The following TRIM71 variants were observed in gnomAD, a reference collection of about 807,000 sequenced individuals.
TRIM71 encodes E3 ubiquitin-protein ligase TRIM71.
Under a neutral mutation model 61.2 loss-of-function variants are expected in TRIM71, and 9 were observed. That is an observed-to-expected ratio of 0.15 (90% CI 0.09 to 0.26). The LOEUF is 0.26. TRIM71 is among the 10% of genes least tolerant of loss of function. The pLI is 1.00. For missense variants in TRIM71, 998 were observed against 1,238.7 expected (o/e 0.81, Z 2.92); for synonymous variants, 645 against 553.2 (o/e 1.17, Z -2.33).
intron 2 of TRIM71, among the ~76,000 whole-genome samples, chr3:32,884,541 A>G (rs199763006): frequency 4.4e-3 from 1 of 226 alleles, no homozygotes; most frequent in Non-Finnish European, 0.031. Context: ...TCTCTATTTG[A>G]AAAAAAAAAA....
chr3:32,857,886 G>T (rs1463542379), intron 1 of TRIM71, among the ~76,000 whole-genome samples: 1 of 152,054 alleles, frequency 6.6e-6, no homozygotes, highest in East Asian at 1.9e-4. Context: ...CATGAGAATC[G>T]CTTGAACCCA....
intron 1 of TRIM71, among the ~76,000 whole-genome samples, chr3:32,820,198 T>C (rs929142559): frequency 3.9e-5 from 6 of 152,192 alleles, no homozygotes; most frequent in Non-Finnish European, 7.4e-5. Flanking sequence ...CTGTGTGAGC[T>C]GGAGAGTGGG....
intron 2 of TRIM71, among the ~76,000 whole-genome samples, chr3:32,876,822 A>G (rs1696856884): frequency 6.6e-6 from 1 of 152,238 alleles, no homozygotes; most frequent in South Asian, 2.1e-4. Flanking sequence ...ATGAGTGGTT[A>G]ACATGGTGAA....
intron 1 of TRIM71, among the ~76,000 whole-genome samples, chr3:32,869,539 G>C (rs554958958): frequency 6.6e-6 from 1 of 152,216 alleles, no homozygotes; most frequent in South Asian, 2.1e-4. Context: ...CTGGGTGCAC[G>C]TGCATTTGCA....
intron 1 of TRIM71, among the ~76,000 whole-genome samples, chr3:32,843,981 G>T (rs1392843812): frequency 6.6e-6 from 1 of 151,896 alleles, no homozygotes; most frequent in Non-Finnish European, 1.5e-5. Flanking sequence ...GTCTCAAGAT[G>T]TTTTAATGTG....
chr3:32,843,103 A>G (rs548567325), intron 1 of TRIM71, among the ~76,000 whole-genome samples: 6 of 152,292 alleles, frequency 3.9e-5, no homozygotes, highest in South Asian at 4.1e-4. Context: ...TGATTGGGCA[A>G]GGGCTTCCAG....
intron 1 of TRIM71, among the ~76,000 whole-genome samples, chr3:32,839,463 C>T (rs1157752123): frequency 1.3e-5 from 2 of 152,046 alleles, no homozygotes; most frequent in African/African-American, 4.8e-5. Context: ...AACTCCTGAC[C>T]TCATGATTCA....
chr3:32,849,841 A>T (rs945589271), intron 1 of TRIM71, among the ~76,000 whole-genome samples: 1 of 152,220 alleles, frequency 6.6e-6, no homozygotes, highest in African/African-American at 2.4e-5. Context: ...TCCAGAAAGA[A>T]CTGCACGCTC....
At position 32,833,851 on chromosome 3, in the gene TRIM71, C is replaced by T. The variant is rs182672936; in HGVS notation, c.852+14919C>T. ...TGCTGCATGGGGGCTAATGGGAGCACCTGCTATGCCCCACCCCCATCCTTG... is the reference window on the plus strand; with the variant it reads ...TGCTGCATGGGGGCTAATGGGAGCATCTGCTATGCCCCACCCCCATCCTTG... On this transcript the variant is annotated intron_variant, in intron 1 of 3. Transcript: ENST00000383763. 2.0e-5 allele frequency among the ~76,000 whole-genome samples: 3 copies of T among 152,094 alleles called. No individual in the cohort carries two copies. In the East Asian group the frequency reaches 5.8e-4, roughly 29 times the overall value.
chr3:32,828,246 ATGT>A (rs1696226243), intron 1 of TRIM71, among the ~76,000 whole-genome samples: 1 of 152,132 alleles, frequency 6.6e-6, no homozygotes, highest in African/African-American at 2.4e-5. Flanking sequence ...GCTTCCAGAA[ATGT>A]TGTAGATAAG....
Position 32,894,974 on chromosome 3 carries a change from A to G in TRIM71, c.*3163A>G, listed in dbSNP as rs1485051214. ...GTCCCCATGGAGGTCTGATCTGGTC[A>G]GGTGGCAAGGGTTGGGTGGGGTATG... On this transcript the variant is annotated 3_prime_UTR_variant, in exon 4 of 4. Coordinates refer to ENST00000383763, the MANE Select transcript of TRIM71 (RefSeq NM_001039111.3). 4 of 152,266 alleles carry G rather than the reference A, an allele frequency of 2.6e-5. No homozygotes were observed. The highest frequency in any genetic ancestry group is 9.6e-5 in the African/African-American group (4 of 41,460). 9.4% of individuals were successfully genotyped at this position (152,266 alleles called of 1,614,324 possible).
intron 1 of TRIM71, among the ~76,000 whole-genome samples, chr3:32,841,075 T>A (rs1428621093): frequency 4.0e-5 from 6 of 151,842 alleles, no homozygotes; most frequent in Non-Finnish European, 7.4e-5. Context: ...TGAAACCCCA[T>A]CTGTACTAAA....
rs1696588842 is a variant in TRIM71, at chr3:32,855,399, G to A, written c.853-18419G>A. ...GGAGGGCATGGCTTTCAGGCAGAGG[G>A]AATAGCAGGGAGTCCAGGATGGCCC... is the stretch of plus-strand genomic sequence containing the variant. On this transcript the variant is annotated intron_variant, in intron 1 of 3. Transcript: ENST00000383763. Among the ~76,000 whole-genome samples the A allele has an allele frequency of 2.6e-5, 4 of 152,088 alleles. No individual in the cohort carries two copies. The South Asian group carries it at 8.3e-4, about 32-fold the overall frequency.
chr3:32,859,915 G>A (rs1309611630), intron 1 of TRIM71, among the ~76,000 whole-genome samples: 1 of 152,100 alleles, frequency 6.6e-6, no homozygotes, highest in African/African-American at 2.4e-5. Context: ...TTATCCCCAT[G>A]TGATTCCTGC....
intron 1 of TRIM71, among the ~76,000 whole-genome samples, chr3:32,852,956 T>C (rs1459892776): frequency 6.6e-6 from 1 of 152,138 alleles, no homozygotes; most frequent in African/African-American, 2.4e-5. Context: ...TTCTGTGACA[T>C]GCAAACACTT....
intron 2 of TRIM71, among the ~76,000 whole-genome samples, chr3:32,876,171 G>T (rs1696850272): frequency 6.6e-6 from 1 of 152,120 alleles, no homozygotes; most frequent in Non-Finnish European, 1.5e-5. Context: ...CGGATGAAGT[G>T]GTTTGTGTCT....
rs1234421973 is a variant in TRIM71, at chr3:32,818,416, C to T, written c.336C>T (p.Ser112=). 3 of 1,476,888 alleles carry T rather than the reference C, an allele frequency of 2.0e-6. No homozygotes were observed. The highest frequency in any genetic ancestry group is 2.7e-6 in the Non-Finnish European group (3 of 1,118,458). 91.5% of individuals were successfully genotyped at this position (1,476,888 alleles called of 1,614,324 possible). ...CGGGTATGGACGCGCTGCCTTCGTCCGCCTTCCTGCTTAGCAACCTGCTCG... is the reference window on the plus strand; with the variant it reads ...CGGGTATGGACGCGCTGCCTTCGTCTGCCTTCCTGCTTAGCAACCTGCTCG... ...EAAGMDALPS[S]AFLLSNLLDA... Residue 112 remains serine (S), a synonymous_variant, in exon 1 of 4, where the codon TCC becomes TCT. Transcript: ENST00000383763.
At chr3:32,839,831 G>A (rs543595462) in intron 1 of TRIM71, among the ~76,000 whole-genome samples, 1 of 152,212 alleles carries the variant, frequency 6.6e-6, no homozygotes, top group South Asian at 2.1e-4. Flanking sequence ...GCTGCCCGGG[G>A]AAGAGGGTAG....
intron 1 of TRIM71, among the ~76,000 whole-genome samples, chr3:32,829,609 G>C (rs900807001): frequency 7.0e-6 from 1 of 142,920 alleles, no homozygotes; most frequent in African/African-American, 2.6e-5. Flanking sequence ...TATTTAGTAA[G>C]CATTAATGTC....
Sources: allele counts gnomAD v4.1 joint callset (sites outside exome capture counted in the v4.1 genomes callset), GRCh38; gene constraint gnomAD v4.1.1; transcripts MANE v1.5; gene names NCBI Gene and HGNC (gene_info 2026-07-23, HGNC 2026-07-21).